SH3PXD2A: variants seen among roughly 807,000 people sequenced by gnomAD.
SH3PXD2A encodes SH3 and PX domain-containing protein 2A.
A neutral mutation model predicts 115.2 loss-of-function variants in SH3PXD2A; 32 were observed. That is an observed-to-expected ratio of 0.28 (90% CI 0.21 to 0.37). The LOEUF is 0.37. Ranked by LOEUF, SH3PXD2A falls within the 10% of genes least tolerant of loss-of-function variation. The probability of loss-of-function intolerance (pLI) is 1.00; values close to 1 mark genes in which losing one functional copy is unlikely to be tolerated. For missense variants in SH3PXD2A, 1,328 were observed against 1,498.7 expected (o/e 0.89, Z 1.88); for synonymous variants, 610 against 629.1 (o/e 0.97, Z 0.45).
At chr10:103,706,705 G>A (rs1028151581) in intron 5 of SH3PXD2A, among the ~76,000 whole-genome samples, 1 of 152,148 alleles carries the variant, frequency 6.6e-6, no homozygotes, top group Non-Finnish European at 1.5e-5. Flanking sequence ...TCAAGAGGCT[G>A]GTCAGACGCT....
intron 2 of SH3PXD2A, among the ~76,000 whole-genome samples, chr10:103,787,348 C>A (rs942842294): frequency 6.6e-6 from 1 of 152,210 alleles, no homozygotes; most frequent in East Asian, 1.9e-4. Flanking sequence ...TCAATATGCA[C>A]CAAATATATA....
chr10:103,783,822 A>G (rs2038955407), intron 2 of SH3PXD2A, among the ~76,000 whole-genome samples: 1 of 152,230 alleles, frequency 6.6e-6, no homozygotes, highest in East Asian at 1.9e-4. Context: ...CCCTAGAGCT[A>G]AAAATAAACC....
intron 3 of SH3PXD2A, among the ~76,000 whole-genome samples, chr10:103,744,219 T>A (rs1780955223): frequency 6.6e-6 from 1 of 150,876 alleles, no homozygotes; most frequent in Middle Eastern, 3.4e-3. Flanking sequence ...AATGGCATGA[T>A]CTCGGCTCAC....
chr10:103,675,124 C>T (rs930325067), intron 6 of SH3PXD2A, among the ~76,000 whole-genome samples: 10 of 152,116 alleles, frequency 6.6e-5, no homozygotes, highest in Non-Finnish European at 1.0e-4. Flanking sequence ...TGCAGCAGCT[C>T]GGACCCCAGG....
In SH3PXD2A at chr10:103,689,719, G is replaced by A. The variant is rs140388520; in HGVS notation, c.427+3309C>T. Among the ~76,000 whole-genome samples the A allele has an allele frequency of 1.6e-3, 245 of 152,152 alleles. 1 individual carries two copies. The highest frequency in any genetic ancestry group is 5.7e-3 in the African/African-American group (235 of 41,462). On this transcript the variant is annotated intron_variant, in intron 6 of 14. Transcript: ENST00000369774. ...TCTAGATGTTGGGCTTGAGCAATGG[G>A]GTGGATGGTGCCAGTTCCTGAGATG...
In SH3PXD2A at chr10:103,627,330, C is replaced by G. The variant is rs1433345190; in HGVS notation, c.605-128G>C. ...GCATGGAGCCAGATGGCCTGGGGAC[C>G]CAGCAAATGCCTGGCCCAGCTCCAG... On this transcript the variant is annotated intron_variant, in intron 8 of 14. Coordinates refer to ENST00000369774, the MANE Select transcript of SH3PXD2A (RefSeq NM_001394015.1). This position sits in a 1 kb window ranked among gnomAD's most constrained non-coding sequence, Gnocchi z 4.4. 5 of 623,722 alleles carry G rather than the reference C, an allele frequency of 8.0e-6. No homozygotes were observed. In the Admixed American group the frequency reaches 1.3e-4, roughly 16 times the overall value. The allele number at this position is 623,722 out of a possible 1,614,324, so 38.6% of individuals were successfully genotyped here.
intron 5 of SH3PXD2A, among the ~76,000 whole-genome samples, chr10:103,715,256 A>G (rs2134161538): frequency 6.6e-6 from 1 of 152,346 alleles, no homozygotes; most frequent in East Asian, 1.9e-4. Flanking sequence ...TGCCACATGT[A>G]CCACGGGGGC....
chr10:103,649,369 A>G (rs1230811026), intron 8 of SH3PXD2A, among the ~76,000 whole-genome samples: 1 of 152,118 alleles, frequency 6.6e-6, no homozygotes, highest in Middle Eastern at 3.2e-3. Context: ...CTGAGCTTAG[A>G]GTCTGGGTTG....
rs147749045 is a variant in SH3PXD2A, at chr10:103,601,987, G to A, written c.3231C>T (p.Tyr1077=). ...CCCCCTCGTAGTCTGCGATAGAGAC[G>A]TACACATCTTTGAGGTTATTGTGGA... The part of the protein sequence containing the change: ...QFIHNNLKDV[Y]VSIADYEGDE... The change falls in exon 15 of 15, where the codon TAC becomes TAT. Residue 1077 remains tyrosine, a synonymous_variant. Transcript: ENST00000369774. The A allele has an allele frequency of 1.1e-5, 18 of 1,613,982 alleles. No individual in the cohort carries two copies. The highest frequency in any genetic ancestry group is 1.4e-5 in the Non-Finnish European group (16 of 1,179,956).
chr10:103,770,558 A>G (rs1408333930), intron 2 of SH3PXD2A, among the ~76,000 whole-genome samples: 1 of 152,200 alleles, frequency 6.6e-6, no homozygotes, highest in Non-Finnish European at 1.5e-5. Flanking sequence ...TGCCAGCTAC[A>G]AGTGCCACAC....
intron 3 of SH3PXD2A, among the ~76,000 whole-genome samples, chr10:103,762,215 T>C (rs1057192593): frequency 6.6e-6 from 1 of 151,848 alleles, no homozygotes; most frequent in African/African-American, 2.4e-5. Context: ...TTAGCAGAGA[T>C]GGGGGTTTCA....
chr10:103,625,922 T>C (rs2036684702), intron 9 of SH3PXD2A, among the ~76,000 whole-genome samples: 1 of 151,988 alleles, frequency 6.6e-6, no homozygotes, highest in Non-Finnish European at 1.5e-5. Flanking sequence ...TGGAACTAGG[T>C]AGGAGGTGAG....
chr10:103,804,408 G>A (rs1484127632), intron 1 of SH3PXD2A, among the ~76,000 whole-genome samples: 3 of 134,098 alleles, frequency 2.2e-5, no homozygotes, highest in Non-Finnish European at 3.1e-5. Flanking sequence ...TGTGACCTCC[G>A]CCTCCCGGGT....
intron 5 of SH3PXD2A, 175 bp from the exon 6 acceptor site, chr10:103,693,231 GCCCGCCCGCCCGCCCGCGGGC>G (rs2037782192): frequency 7.1e-6 from 1 of 140,392 alleles, no homozygotes. Flanking sequence ...CGCCGCGCCC[GCCCGCCCGCCCGCCCGCGGGC>G]CCCCTGCCAG....
At position 103,746,591 on chromosome 10, in the gene SH3PXD2A, G is replaced by T. The variant is rs531542610; in HGVS notation, c.230-10783C>A. Among the ~76,000 whole-genome samples, 3 of 152,172 alleles carry T rather than the reference G, an allele frequency of 2.0e-5. No individual in the cohort carries two copies. Among genetic ancestry groups the T allele is most frequent in the Non-Finnish European group, 4.4e-5 (3 of 68,042 alleles). ...CCCAGAGTACTGGGATTACAGACGT[G>T]AGCCACTGCGCCTGGCCTCAGAATA... On this transcript the variant is annotated intron_variant, in intron 3 of 14. Coordinates refer to ENST00000369774, the MANE Select transcript of SH3PXD2A (RefSeq NM_001394015.1). This position sits in a 1 kb window ranked among gnomAD's most constrained non-coding sequence, Gnocchi z 4.4.
chr10:103,837,118 C>T (rs79413664), intron 1 of SH3PXD2A, among the ~76,000 whole-genome samples: 2,329 of 152,282 alleles, frequency 0.015, 64 homozygotes, highest in African/African-American at 0.053. Flanking sequence ...CCTGGTGGGC[C>T]CCTAGAAGCT....
In SH3PXD2A at chr10:103,739,450, GGGGAGAGAGGGA is replaced by G. The variant is rs370431164; in HGVS notation, c.230-3654_230-3643del. On this transcript the variant is annotated intron_variant, in intron 3 of 14. Transcript: ENST00000369774. ...AGGGCTTTGGCACAATTGGCCAGTGGGGGAGAGAGGGAGGGAGAGAGGGAGGGCCTGGAAGGG... is the reference window on the plus strand; with the variant it reads ...AGGGCTTTGGCACAATTGGCCAGTGGGGGAGAGAGGGAGGGCCTGGAAGGG... Among the ~76,000 whole-genome samples the G allele has an allele frequency of 9.5e-3, 1,454 of 152,258 alleles. 17 individuals are homozygous for G. The highest frequency in any genetic ancestry group is 0.015 in the Non-Finnish European group (987 of 68,016).
At chr10:103,824,930 G>C (rs182617933) in intron 1 of SH3PXD2A, among the ~76,000 whole-genome samples, 163 of 152,324 alleles carry the variant, frequency 1.1e-3, no homozygotes, top group Admixed American at 3.5e-3. Context: ...AGCCCCCTGA[G>C]TAGCTGGAGT....
chr10:103,763,240 C>A (rs2038719029), intron 3 of SH3PXD2A, among the ~76,000 whole-genome samples: 1 of 152,142 alleles, frequency 6.6e-6, no homozygotes, highest in Non-Finnish European at 1.5e-5. Flanking sequence ...TCTATGAGCC[C>A]TCAGCCATCA....
Sources: gnomAD v4.1 joint callset for allele counts (sites outside exome capture counted in the v4.1 genomes callset) on GRCh38, gnomAD v4.1.1 for gene constraint, Gnocchi (gnomAD v3.1) non-coding constraint, MANE v1.5 for transcripts, NCBI Gene and HGNC (gene_info 2026-07-23, HGNC 2026-07-21) for gene names.